Variants in EML6 observed in about 807,000 individuals in gnomAD.
EML6 encodes the protein echinoderm microtubule-associated protein-like 6.
EML6 carries 154 observed loss-of-function variants against 240.1 expected under a neutral mutation model. That is an observed-to-expected ratio of 0.64 (90% CI 0.56 to 0.73). The LOEUF is 0.73. Ranked by LOEUF, EML6 falls within the 30% of genes least tolerant of loss-of-function variation. The pLI is 0.00. For missense variants in EML6, 2,964 were observed against 2,474.6 expected (o/e 1.20, Z -4.20); for synonymous variants, 1,148 against 899.0 (o/e 1.28, Z -4.95).
chr2:54,755,879 T>C (rs370690223), intron 2 of EML6, among the ~76,000 whole-genome samples: 5 of 152,130 alleles, frequency 3.3e-5, no homozygotes, highest in African/African-American at 1.2e-4. Flanking sequence ...AGGGTGGTTC[T>C]GCTTAGGTTT....
At chr2:54,949,685 G>T (rs1455450421) in intron 29 of EML6, among the ~76,000 whole-genome samples, 1 of 152,154 alleles carries the variant, frequency 6.6e-6, no homozygotes, top group African/African-American at 2.4e-5. Context: ...TCAGACCTGG[G>T]AGAGTCCCAC....
At position 54,971,120 on chromosome 2, in the gene EML6, T is replaced by A. The variant is rs1028863664; in HGVS notation, c.*1025T>A. On this transcript the variant is annotated 3_prime_UTR_variant, in exon 42 of 42. Coordinates refer to ENST00000356458, the MANE Select transcript of EML6 (RefSeq NM_001039753.4). ...CACCCTGAGTGGAGTTGAGGTGACTTCATTTGATTGCTTCAGGCGAACTAT... is the reference window on the plus strand; with the variant it reads ...CACCCTGAGTGGAGTTGAGGTGACTACATTTGATTGCTTCAGGCGAACTAT... 8 of 152,204 alleles carry A rather than the reference T, an allele frequency of 5.3e-5. No individual in the cohort carries two copies. The highest frequency in any genetic ancestry group is 1.9e-4 in the African/African-American group (8 of 41,452). The allele number at this position is 152,204 out of a possible 1,614,324, so 9.4% of individuals were successfully genotyped here. A position where few individuals can be genotyped will look rare whatever the true frequency, so the allele number is the denominator to read the frequency against.
intron 13 of EML6, 129 bp downstream of exon 13, chr2:54,864,018 T>G (rs1439314850): frequency 3.5e-6 from 2 of 576,732 alleles, no homozygotes; most frequent in South Asian, 2.5e-5. Context: ...AAAAATAGTC[T>G]ACTTTGTGCC....
chr2:54,956,903 T>C (rs1299392398), intron 32 of EML6, among the ~76,000 whole-genome samples: 1 of 151,636 alleles, frequency 6.6e-6, no homozygotes, highest in Admixed American at 6.6e-5. Context: ...AATAATGAGA[T>C]TAAAAAAGAG....
At chr2:54,752,028 C>T (rs1475882147) in intron 2 of EML6, among the ~76,000 whole-genome samples, 2 of 152,178 alleles carry the variant, frequency 1.3e-5, no homozygotes, top group East Asian at 3.8e-4. Flanking sequence ...TTTCTTCCTT[C>T]TTTCCCACCT....
At chr2:54,936,990 A>G (rs1273009709) in intron 28 of EML6, among the ~76,000 whole-genome samples, 2 of 139,584 alleles carry the variant, frequency 1.4e-5, no homozygotes, top group Non-Finnish European at 3.1e-5. Context: ...TTTTTTTTTT[A>G]AAGTCTGGGC....
At chr2:54,943,191 T>C (rs1462366326) in intron 28 of EML6, among the ~76,000 whole-genome samples, 2 of 152,210 alleles carry the variant, frequency 1.3e-5, no homozygotes, top group Non-Finnish European at 2.9e-5. Context: ...TTGGTGCTTC[T>C]TTCTCTCTCC....
intron 11 of EML6, among the ~76,000 whole-genome samples, chr2:54,854,437 C>T (rs1292274940): frequency 2.6e-5 from 4 of 152,200 alleles, no homozygotes; most frequent in Non-Finnish European, 5.9e-5. Flanking sequence ...TTATGTGGCA[C>T]ACTCAAGCGT....
chr2:54,752,627 G>A (rs375003849), intron 2 of EML6, among the ~76,000 whole-genome samples: 98 of 152,196 alleles, frequency 6.4e-4, no homozygotes, highest in Non-Finnish European at 1.2e-3. Flanking sequence ...GATAGCATTC[G>A]TTCATTCTTT....
rs566605776 is a variant in EML6 at position 54,795,627 on chromosome 2, G to A, written c.198-17605G>A. On this transcript the variant is annotated intron_variant, in intron 2 of 41. Coordinates refer to ENST00000356458, the MANE Select transcript of EML6 (RefSeq NM_001039753.4). Reference sequence around the variant, plus strand: ...CCCCCAGGGAATGTCTGGGTCTGGCGTCCTCAGTGGGCCTCAGTACTGTAC... The same window carrying A: ...CCCCCAGGGAATGTCTGGGTCTGGCATCCTCAGTGGGCCTCAGTACTGTAC... Among the ~76,000 whole-genome samples, 13 of 151,838 alleles carry A rather than the reference G, an allele frequency of 8.6e-5. No individual in the cohort carries two copies. In the East Asian group the frequency reaches 1.3e-3, roughly 16 times the overall value.
At chr2:54,898,623 A>T (rs1672895881) in intron 21 of EML6, among the ~76,000 whole-genome samples, 2 of 152,226 alleles carry the variant, frequency 1.3e-5, no homozygotes, top group Admixed American at 1.3e-4. Flanking sequence ...TTGCTCAAAT[A>T]GCTTCTCAGT....
At chr2:54,950,474 G>A (rs896904058) in intron 29 of EML6, among the ~76,000 whole-genome samples, 176 bp from the exon 30 acceptor site, 2 of 152,222 alleles carry the variant, frequency 1.3e-5, no homozygotes, top group South Asian at 2.1e-4. Flanking sequence ...ACTAAAGAAG[G>A]GGCTGCATTT....
intron 8 of EML6, among the ~76,000 whole-genome samples, chr2:54,844,878 A>C (rs1203333864): frequency 6.6e-6 from 1 of 152,180 alleles, no homozygotes; most frequent in Non-Finnish European, 1.5e-5. Flanking sequence ...GTACCTATTA[A>C]AGGAATGAAC....
chr2:54,903,343 G>T, intron 23 of EML6, 28 bp from the exon 24 acceptor site: 1 of 1,546,200 alleles, frequency 6.5e-7, no homozygotes, highest in Non-Finnish European at 8.7e-7. Flanking sequence ...AAAATGCTTC[G>T]ATGTTAACCC....
rs149845089 is a variant in EML6 at position 54,747,023 on chromosome 2, G to C, written c.197+21765G>C. On this transcript the variant is annotated intron_variant, in intron 2 of 41. Transcript: ENST00000356458. ...ACTTCAAAGAGACTGCAGTATGAGC[G>C]CTGTGTATTTTCTACAGCCTGTGCT... 3.5e-4 allele frequency: 53 copies of C among 152,256 alleles called. 1 individual carries two copies. In the East Asian group the frequency reaches 8.7e-3, roughly 25 times the overall value. 9.4% of individuals were successfully genotyped at this position (152,256 alleles called of 1,614,324 possible).
intron 12 of EML6, among the ~76,000 whole-genome samples, chr2:54,860,303 G>A (rs1458808156): frequency 6.6e-6 from 1 of 152,138 alleles, no homozygotes; most frequent in Non-Finnish European, 1.5e-5. Context: ...GGAGTCTCTA[G>A]ACCATGGGAA....
intron 2 of EML6, among the ~76,000 whole-genome samples, chr2:54,734,123 G>C (rs1263364228): frequency 6.6e-6 from 1 of 152,172 alleles, no homozygotes; most frequent in Non-Finnish European, 1.5e-5. Context: ...TGGATCACCT[G>C]AGGTCAGGAG....
intron 2 of EML6, among the ~76,000 whole-genome samples, chr2:54,792,866 AAGT>A (rs1348879223): frequency 1.3e-5 from 2 of 152,216 alleles, no homozygotes; most frequent in Non-Finnish European, 2.9e-5. Flanking sequence ...GGATTATTGG[AAGT>A]AGTAGTTACT....
intron 7 of EML6, among the ~76,000 whole-genome samples, chr2:54,835,756 G>T (rs764483391): frequency 6.6e-6 from 1 of 152,024 alleles, no homozygotes; most frequent in Non-Finnish European, 1.5e-5. Context: ...TTTGATTGTC[G>T]CAACTGCAGA....
Sources: allele counts gnomAD v4.1 joint callset (sites outside exome capture counted in the v4.1 genomes callset), GRCh38; gene constraint gnomAD v4.1.1; transcripts MANE v1.5; gene names NCBI Gene and HGNC (gene_info 2026-07-23, HGNC 2026-07-21).